MYOM1: variants seen among roughly 807,000 people sequenced by gnomAD.
MYOM1 encodes myomesin 1, also known as myomesin-1.
Under a neutral mutation model 205.3 loss-of-function variants are expected in MYOM1, and 164 were observed. The observed-to-expected ratio is 0.80, with a 90% CI of 0.70 to 0.91. The LOEUF (loss-of-function observed/expected upper bound fraction) is 0.91, where lower values mean the gene tolerates loss of function less well. MYOM1 is among the 40% of genes least tolerant of loss of function. The probability of loss-of-function intolerance (pLI) is 0.00; values close to 1 mark genes in which losing one functional copy is unlikely to be tolerated. For synonymous variants in MYOM1, 772 were observed against 789.4 expected, an observed-to-expected ratio of 0.98 and a Z score of 0.37; for missense variants, 2,011 against 2,127.3, an observed-to-expected ratio of 0.95 and a Z score of 1.08.
chr18:3,174,586 G>C (rs2080608801), intron 6 of MYOM1, among the ~76,000 whole-genome samples: 1 of 152,192 alleles, frequency 6.6e-6, no homozygotes, highest in African/African-American at 2.4e-5. Context: ...GAGAAAATGT[G>C]CAGGCGTGTA....
In MYOM1 at chr18:3,105,354, T is replaced by C. The variant is rs117037293; in HGVS notation, c.3419-2724A>G. Among the ~76,000 whole-genome samples the C allele has an allele frequency of 4.8e-3, 728 of 152,322 alleles. 3 individuals carry two copies. Among genetic ancestry groups the C allele is most frequent in the Non-Finnish European group, 8.3e-3 (563 of 68,024 alleles). ...AAAAGGTAAATAAGATTCAGTATAC[T>C]GCATCCAAGAAGGATGAAAAGCTCT... On this transcript the variant is annotated intron_variant, in intron 22 of 37. Coordinates refer to ENST00000356443, the MANE Select transcript of MYOM1 (RefSeq NM_003803.4).
At chr18:3,155,737 A>G (rs960733206) in intron 10 of MYOM1, among the ~76,000 whole-genome samples, 2 of 152,186 alleles carry the variant, frequency 1.3e-5, no homozygotes, top group East Asian at 3.8e-4. Flanking sequence ...TGTTCTCATG[A>G]CATTGATTGT....
At chr18:3,224,491 G>A (rs1388476699), upstream of MYOM1, among the ~76,000 whole-genome samples, 2 of 152,186 alleles carry the variant, frequency 1.3e-5, no homozygotes, top group African/African-American at 4.8e-5. Flanking sequence ...AGCCTTGGAA[G>A]AGGGCATGCC....
chr18:3,246,044 T>C, the MYOM1 span: 1 of 152,298 alleles, frequency 6.6e-6, no homozygotes, highest in African/African-American at 2.4e-5. Context: ...TAATACCTGC[T>C]GACTGAGTGG....
At chr18:3,132,708 A>G (rs1248785870) in intron 16 of MYOM1, among the ~76,000 whole-genome samples, 1 of 152,192 alleles carries the variant, frequency 6.6e-6, no homozygotes, top group Admixed American at 6.5e-5. Context: ...TTGGGAAATT[A>G]CTATAGAATC....
rs1555620545 is a variant in MYOM1, at chr18:3,127,305, A to ATT, written c.2795-410_2795-409dup. Among the ~76,000 whole-genome samples, 411 of 47,574 alleles carry ATT rather than the reference A, an allele frequency of 8.6e-3. 19 individuals carry two copies. The highest frequency in any genetic ancestry group is 0.032 in the African/African-American group (346 of 10,828). The allele number at this position is 47,574 out of a possible 152,430, so 31.2% of individuals were successfully genotyped here. A position where few individuals can be genotyped will look rare whatever the true frequency, so the allele number is the denominator to read the frequency against. On this transcript the variant is annotated intron_variant, in intron 18 of 37. Transcript: ENST00000356443. Reference sequence around the variant, plus strand: ...TCCATATATATATATATATATATATATTTTTTTTTTTTTTTTTTTTGAGCT... The same window carrying ATT: ...TCCATATATATATATATATATATATATTTTTTTTTTTTTTTTTTTTTTGAGCT...
chr18:3,244,700 G>A, the MYOM1 span, among the ~76,000 whole-genome samples: 2 of 151,630 alleles, frequency 1.3e-5, no homozygotes, highest in Non-Finnish European at 2.9e-5. Flanking sequence ...CAACCAGCCT[G>A]GCCAACATGG....
In MYOM1 at chr18:3,067,314, T is replaced by C; in HGVS notation, c.5006A>G (p.Glu1669Gly). Residue 1669 changes from glutamate to glycine, a missense_variant, in exon 38 of 38, where the codon GAG (glutamate) becomes GGG (glycine). Transcript: ENST00000356443. ...GGACTCCAAGGCGGCCATCCTCGCC[T>C]CCTCCTCTGGGATGAACACGCTGAC... The part of the protein sequence containing the change: ...FTVSVFIPEE[E>G]ARMAALESLK... 1.9e-6 allele frequency: 3 copies of C among 1,611,524 alleles called. No individual in the cohort carries two copies. Among genetic ancestry groups the C allele is most frequent in the Non-Finnish European group, 2.5e-6 (3 of 1,179,618 alleles).
At chr18:3,226,748 C>T in the MYOM1 span, among the ~76,000 whole-genome samples, 1 of 152,132 alleles carries the variant, frequency 6.6e-6, no homozygotes, top group Non-Finnish European at 1.5e-5. This position sits in a 1 kb window ranked among gnomAD's most constrained non-coding sequence, Gnocchi z 4.6. Context: ...TCCCAGTACC[C>T]AGCAAAGCTC....
chr18:3,082,949 T>C (rs2079101590), intron 33 of MYOM1, among the ~76,000 whole-genome samples: 1 of 152,196 alleles, frequency 6.6e-6, no homozygotes, highest in Non-Finnish European at 1.5e-5. Context: ...TGGGCACTCG[T>C]TGGATTAGGC....
chr18:3,214,972 C>T lies in MYOM1; in HGVS notation c.252G>A (p.Arg84=), dbSNP rs1164063907. The change falls in exon 2 of 38, where the codon CGG becomes CGA. Residue 84 remains arginine, a synonymous_variant. Coordinates refer to ENST00000356443, the MANE Select transcript of MYOM1 (RefSeq NM_003803.4). ...SQHALSSEVS[R]KAASAYDYGS... is the part of the protein sequence containing the mutation. The stretch of plus-strand genomic sequence containing the variant: ...CATAATCGTAGGCTGAGGCTGCCTT[C>T]CGACTGACTTCAGAGCTCAGGGCGT... The T allele has an allele frequency of 7.5e-6, 12 of 1,609,006 alleles. No individual in the cohort carries two copies. The highest frequency in any genetic ancestry group is 2.2e-5 in the South Asian group (2 of 90,818).
At chr18:3,124,385 C>T (rs2079746695) in intron 19 of MYOM1, among the ~76,000 whole-genome samples, 1 of 147,580 alleles carries the variant, frequency 6.8e-6, no homozygotes, top group Non-Finnish European at 1.5e-5. Flanking sequence ...TCACTGCAAG[C>T]TCCGCCTCCC....
chr18:3,078,610 T>C (rs2079047505), intron 34 of MYOM1, among the ~76,000 whole-genome samples: 1 of 151,980 alleles, frequency 6.6e-6, no homozygotes, highest in Admixed American at 6.6e-5. Context: ...CTTAAAATTT[T>C]ATATTTGAAG....
chr18:3,089,334 A>T, intron 28 of MYOM1, 93 bp from the exon 29 acceptor site: 1 of 1,024,760 alleles, frequency 9.8e-7, no homozygotes, highest in South Asian at 1.7e-5. Context: ...TTACATCTGA[A>T]GTCAGATTTT....
chr18:3,130,338 C>T (rs991199228), intron 17 of MYOM1, among the ~76,000 whole-genome samples: 12 of 152,058 alleles, frequency 7.9e-5, no homozygotes, highest in South Asian at 4.2e-4. Flanking sequence ...CCACTGTGCC[C>T]GATCCCTATG....
intron 2 of MYOM1, among the ~76,000 whole-genome samples, chr18:3,201,975 G>A (rs530290999): frequency 2.6e-5 from 4 of 152,132 alleles, no homozygotes; most frequent in African/African-American, 9.6e-5. Flanking sequence ...ATATAATATT[G>A]TATAAAATAC....
At chr18:3,183,565 G>A (rs1030174883) in intron 5 of MYOM1, among the ~76,000 whole-genome samples, 3 of 152,152 alleles carry the variant, frequency 2.0e-5, no homozygotes, top group Admixed American at 6.5e-5. Flanking sequence ...CCCGCCACAC[G>A]TGCCTTTGAA....
In MYOM1 at chr18:3,122,945, C is replaced by G. The variant is rs546247344; in HGVS notation, c.2992-2950G>C. On this transcript the variant is annotated intron_variant, in intron 19 of 37. Transcript: ENST00000356443. Reference sequence around the variant, plus strand: ...TAATGGTGAAATGTTGTAAAATTTCCCTTTAAGATAACTATCAAGCCTAGA... The same window carrying G: ...TAATGGTGAAATGTTGTAAAATTTCGCTTTAAGATAACTATCAAGCCTAGA... Among the ~76,000 whole-genome samples the G allele has an allele frequency of 5.9e-5, 9 of 152,142 alleles. No homozygotes were observed. The South Asian group carries it at 1.9e-3, about 32-fold the overall frequency.
intron 2 of MYOM1, among the ~76,000 whole-genome samples, chr18:3,210,655 T>C (rs1439077451): frequency 6.6e-6 from 1 of 152,168 alleles, no homozygotes; most frequent in Admixed American, 6.5e-5. Context: ...TGGTATTCAA[T>C]AGCTTCTCTA....
Sources: allele counts gnomAD v4.1 joint callset (sites outside exome capture counted in the v4.1 genomes callset), GRCh38; gene constraint gnomAD v4.1.1; non-coding constraint Gnocchi (gnomAD v3.1); transcripts MANE v1.5; gene names NCBI Gene and HGNC (gene_info 2026-07-23, HGNC 2026-07-21).